The following MIGA1 variants were observed in gnomAD, a reference collection of about 807,000 sequenced individuals.
MIGA1 encodes the protein family with sequence similarity 73, member A.
MIGA1 carries 58 observed loss-of-function variants against 82.0 expected under a neutral mutation model. That is an observed-to-expected ratio of 0.71 (90% CI 0.57 to 0.88). The LOEUF (loss-of-function observed/expected upper bound fraction) is 0.88. Among genes scored for constraint, MIGA1 ranks in the 40% least tolerant of loss-of-function variants. The pLI is 0.00. For missense variants in MIGA1, 751 were observed against 749.1 expected, an observed-to-expected ratio of 1.00 and a Z score of -0.03; for synonymous variants, 249 against 253.6, an observed-to-expected ratio of 0.98 and a Z score of 0.17.
chr1:77,872,974 G>GTAACT, intron 14 of MIGA1, 30 bp from the exon 15 acceptor site: 1 of 1,612,500 alleles, frequency 6.2e-7, no homozygotes, highest in Non-Finnish European at 8.5e-7. Flanking sequence ...GAAGGTAGAA[G>GTAACT]TAACTTGATT....
intron 7 of MIGA1, among the ~76,000 whole-genome samples, chr1:77,827,504 A>G (rs980327082): frequency 6.6e-6 from 1 of 152,068 alleles, no homozygotes; most frequent in African/African-American, 2.4e-5. Context: ...ATAAAAAATT[A>G]TCTGGAGAAG....
At chr1:77,815,317 T>C (rs11162386) in intron 7 of MIGA1, 86 bp downstream of exon 7, 786,113 of 1,100,490 alleles carry the variant, frequency 0.71, 285,018 homozygotes, top group Admixed American at 0.77. Flanking sequence ...GTCTGTCTTA[T>C]GTAATAATAG....
At position 77,813,914 on chromosome 1, in the gene MIGA1, A is replaced by G. The variant is rs147546501; in HGVS notation, c.771+47A>G. The G allele has an allele frequency of 3.2e-4, 508 of 1,599,448 alleles. 2 individuals are homozygous for G. In the African/African-American group the frequency reaches 6.5e-3, roughly 20 times the overall value. ...GGTCTTCATAATATTAGAAGAATCAAACTTTTTTTTTGTTTTTTTGGTAGA... is the reference window on the plus strand; with the variant it reads ...GGTCTTCATAATATTAGAAGAATCAGACTTTTTTTTTGTTTTTTTGGTAGA... On this transcript the variant is annotated intron_variant, in intron 6 of 15. Coordinates refer to ENST00000370791, the MANE Select transcript of MIGA1 (RefSeq NM_198549.4).
At chr1:77,801,217 C>G in intron 2 of MIGA1, 114 bp from the exon 3 acceptor site, 1 of 677,710 alleles carries the variant, frequency 1.5e-6, no homozygotes, top group East Asian at 3.1e-5. Context: ...AAATGATATT[C>G]TCTTGATAGT....
At chr1:77,863,245 GC>G (rs2101948419) in intron 12 of MIGA1, among the ~76,000 whole-genome samples, 1 of 152,190 alleles carries the variant, frequency 6.6e-6, no homozygotes, top group African/African-American at 2.4e-5. Flanking sequence ...TGGCCTAAGT[GC>G]CTGTTGTCTT....
At chr1:77,818,753 C>T (rs1262843105) in intron 7 of MIGA1, among the ~76,000 whole-genome samples, 1 of 151,902 alleles carries the variant, frequency 6.6e-6, no homozygotes, top group African/African-American at 2.4e-5. Context: ...TATAGTGAGA[C>T]CTCATCTCTA....
chr1:77,820,001 A>G (rs1683738656), intron 7 of MIGA1, among the ~76,000 whole-genome samples: 2 of 152,118 alleles, frequency 1.3e-5, no homozygotes, highest in East Asian at 3.9e-4. Context: ...CTATACCCAA[A>G]ATTCCCTGTA....
In MIGA1 at chr1:77,848,662, C is replaced by T. The variant is rs567031483; in HGVS notation, c.996+5255C>T. On this transcript the variant is annotated intron_variant, in intron 8 of 15. Transcript: ENST00000370791. ...AGAAAGGCAAGAGAAGGGTAAAGAACAAGAGAGACCACCTGAGGCAGTGAG... is the reference window on the plus strand; with the variant it reads ...AGAAAGGCAAGAGAAGGGTAAAGAATAAGAGAGACCACCTGAGGCAGTGAG... 6.1e-5 allele frequency: 96 copies of T among 1,574,358 alleles called. No homozygotes were observed. The African/African-American group carries it at 1.2e-3, about 20-fold the overall frequency.
rs767137356 is a variant in MIGA1 at position 77,875,084 on chromosome 1, A to G, written c.*20A>G. The G allele has an allele frequency of 4.5e-5, 70 of 1,545,736 alleles. No individual in the cohort carries two copies. The highest frequency in any genetic ancestry group is 5.1e-5 in the Admixed American group (3 of 58,988). ...CAATAAGTACCATAAGAATCATACA[A>G]TTTGAGTGTGCTATGAAATATTTTA... On this transcript the variant is annotated 3_prime_UTR_variant, in exon 16 of 16. Transcript: ENST00000370791.
chr1:77,842,839 G>C (rs888201283), intron 7 of MIGA1, among the ~76,000 whole-genome samples: 1 of 152,210 alleles, frequency 6.6e-6, no homozygotes, highest in African/African-American at 2.4e-5. Context: ...ACTGCACCCG[G>C]CCGTGAATTG....
intron 7 of MIGA1, among the ~76,000 whole-genome samples, chr1:77,828,924 G>C (rs1684134348): frequency 1.3e-5 from 2 of 152,096 alleles, no homozygotes; most frequent in South Asian, 4.1e-4. Flanking sequence ...TGGTCGTCCT[G>C]CCTCAGCCTC....
chr1:77,876,379 A>G lies in MIGA1; in HGVS notation c.*1315A>G, dbSNP rs1282969657. On this transcript the variant is annotated 3_prime_UTR_variant, in exon 16 of 16. Transcript: ENST00000370791. ...TGAGAAATTTACAATTTACAAATTT[A>G]TATTAACTGTAGTTTCCAAAATATG... is the stretch of plus-strand genomic sequence containing the variant. The G allele has an allele frequency of 6.6e-6, 1 of 152,256 alleles. No individual in the cohort carries two copies. Among genetic ancestry groups the G allele is most frequent in the East Asian group, 1.9e-4 (1 of 5,202 alleles). The allele number at this position is 152,256 out of a possible 1,614,324, so 9.4% of individuals were successfully genotyped here.
At chr1:77,847,560 G>T (rs1295488665) in intron 8 of MIGA1, 1 of 1,498,654 alleles carries the variant, frequency 6.7e-7, no homozygotes. Context: ...TGATAAAGAG[G>T]CATTTGTGAC....
chr1:77,819,416 T>G (rs1050103036), intron 7 of MIGA1, among the ~76,000 whole-genome samples: 3 of 152,050 alleles, frequency 2.0e-5, no homozygotes, highest in African/African-American at 7.2e-5. Context: ...CCTGAGTAGC[T>G]GGTATTACAG....
chr1:77,848,355 G>A, intron 8 of MIGA1: 1 of 1,210,508 alleles, frequency 8.3e-7, no homozygotes, highest in South Asian at 1.3e-5. Context: ...TGAGAAAGGA[G>A]AGAAGGAAGA....
intron 7 of MIGA1, among the ~76,000 whole-genome samples, chr1:77,829,217 T>G (rs1338271929): frequency 6.6e-6 from 1 of 152,064 alleles, no homozygotes; most frequent in Non-Finnish European, 1.5e-5. Context: ...GCCAAGAGTT[T>G]GAGACCAGCC....
intron 2 of MIGA1, among the ~76,000 whole-genome samples, chr1:77,796,361 A>G (rs1004523381): frequency 6.7e-6 from 1 of 150,274 alleles, no homozygotes. Flanking sequence ...CTCGTGATCC[A>G]CCCGCCTTGG....
intron 2 of MIGA1, among the ~76,000 whole-genome samples, chr1:77,796,695 A>G (rs1682672406): frequency 6.6e-6 from 1 of 152,230 alleles, no homozygotes; most frequent in Non-Finnish European, 1.5e-5. Context: ...CACTTAGGTC[A>G]GCGCCTTTCT....
chr1:77,823,305 A>G (rs188867360), intron 7 of MIGA1, among the ~76,000 whole-genome samples: 114 of 152,274 alleles, frequency 7.5e-4, no homozygotes, highest in African/African-American at 2.6e-3. Flanking sequence ...AGTTAATAAC[A>G]TAGATTTTGA....
Sources: gnomAD v4.1 joint callset for allele counts (sites outside exome capture counted in the v4.1 genomes callset) on GRCh38, gnomAD v4.1.1 for gene constraint, MANE v1.5 for transcripts, NCBI Gene and HGNC (gene_info 2026-07-23, HGNC 2026-07-21) for gene names.